Variants in CAMK4 observed in about 807,000 individuals in gnomAD.
The protein encoded by CAMK4 is calcium/calmodulin dependent protein kinase IV.
In CAMK4, 22 loss-of-function variants were observed where a neutral mutation model predicts 44.9. The observed-to-expected ratio is 0.49, with a 90% CI of 0.35 to 0.70. The LOEUF is 0.70. CAMK4 is among the 30% of genes least tolerant of loss of function. The pLI is 0.01. For synonymous variants in CAMK4, 218 were observed against 215.4 expected, an observed-to-expected ratio of 1.01 and a Z score of -0.11; for missense variants, 498 against 586.8, an observed-to-expected ratio of 0.85 and a Z score of 1.56.
intron 1 of CAMK4, among the ~76,000 whole-genome samples, chr5:111,341,611 G>A (rs1749648560): frequency 6.6e-6 from 1 of 150,960 alleles, no homozygotes; most frequent in South Asian, 2.1e-4. Flanking sequence ...AAGAATATGA[G>A]TATTTTCTTG....
intron 5 of CAMK4, among the ~76,000 whole-genome samples, chr5:111,404,844 C>T (rs1752358074): frequency 6.6e-6 from 1 of 152,150 alleles, no homozygotes; most frequent in African/African-American, 2.4e-5. Flanking sequence ...TCTTAGCTTA[C>T]ACCATATATA....
intron 1 of CAMK4, among the ~76,000 whole-genome samples, chr5:111,324,859 G>T (rs1051940993): frequency 6.6e-6 from 1 of 151,646 alleles, no homozygotes; most frequent in Non-Finnish European, 1.5e-5. Flanking sequence ...TTTACTTTAA[G>T]TTCTGGGATT....
At position 111,230,081 on chromosome 5, in the gene CAMK4, G is replaced by T. The variant is rs565935786; in HGVS notation, c.161+5437G>T. On this transcript the variant is annotated intron_variant, in intron 1 of 10. Transcript: ENST00000282356. The stretch of plus-strand genomic sequence containing the variant: ...TCTTCTTTGAGGTCTTGGTCCTGAT[G>T]TCGTAGTGATATTGATTCTAGTGAC... Among the ~76,000 whole-genome samples the T allele has an allele frequency of 5.0e-4, 76 of 152,274 alleles. 2 individuals are homozygous for T. Among genetic ancestry groups the T allele is most frequent in the African/African-American group, 1.7e-3 (71 of 41,550 alleles).
chr5:111,235,994 A>G (rs1489420486), intron 1 of CAMK4, among the ~76,000 whole-genome samples: 2 of 152,226 alleles, frequency 1.3e-5, no homozygotes, highest in African/African-American at 2.4e-5. Flanking sequence ...CAGGCAGGAC[A>G]CAATTGTTAC....
rs1748049116 is a variant in CAMK4, at chr5:111,308,615, T to G, written c.162-35409T>G. On this transcript the variant is annotated intron_variant, in intron 1 of 10. Coordinates refer to ENST00000282356, the MANE Select transcript of CAMK4 (RefSeq NM_001744.6). ...AGCTAAGCATCTCTGGAATTGAAAT[T>G]TAGTCCAGTGGGAAACAGAATGTTA... Among the ~76,000 whole-genome samples the G allele has an allele frequency of 2.6e-5, 4 of 152,296 alleles. No homozygotes were observed. The South Asian group carries it at 6.2e-4, about 24-fold the overall frequency.
chr5:111,299,261 AACC>A (rs1204374456), intron 1 of CAMK4, among the ~76,000 whole-genome samples: 2 of 152,260 alleles, frequency 1.3e-5, no homozygotes, highest in East Asian at 3.8e-4. Context: ...TACATTAGGT[AACC>A]ACTCATGTGA....
At chr5:111,343,395 C>T (rs1014644689) in intron 1 of CAMK4, among the ~76,000 whole-genome samples, 1 of 151,716 alleles carries the variant, frequency 6.6e-6, no homozygotes, top group African/African-American at 2.4e-5. Context: ...CTCTCTTTTA[C>T]TCTTTTGCTT....
At chr5:111,344,682 G>A (rs998140760) in intron 2 of CAMK4, among the ~76,000 whole-genome samples, 1 of 151,662 alleles carries the variant, frequency 6.6e-6, no homozygotes, top group African/African-American at 2.4e-5. Context: ...TGGAAAAAAA[G>A]GAAGGTTTTT....
At chr5:111,354,123 G>T (rs1464114432) in intron 2 of CAMK4, among the ~76,000 whole-genome samples, 9 of 152,066 alleles carry the variant, frequency 5.9e-5, no homozygotes, top group Non-Finnish European at 8.8e-5. Context: ...AAATAATCCT[G>T]CCAATTGCGA....
At chr5:111,342,157 T>C (rs1456880178) in intron 1 of CAMK4, among the ~76,000 whole-genome samples, 1 of 151,296 alleles carries the variant, frequency 6.6e-6, no homozygotes, top group East Asian at 1.9e-4. Flanking sequence ...GGCTGTTCTG[T>C]TGTTCTGTAA....
At chr5:111,436,703 C>A (rs1231000069) in intron 5 of CAMK4, among the ~76,000 whole-genome samples, 1 of 152,186 alleles carries the variant, frequency 6.6e-6, no homozygotes, top group African/African-American at 2.4e-5. Flanking sequence ...TGTATTATTA[C>A]AGCTAGGTAC....
At chr5:111,423,794 C>G (rs1271996523) in intron 5 of CAMK4, among the ~76,000 whole-genome samples, 3 of 152,174 alleles carry the variant, frequency 2.0e-5, no homozygotes, top group Non-Finnish European at 4.4e-5. Flanking sequence ...CAAGACCTAA[C>G]AATAACAATC....
intron 1 of CAMK4, among the ~76,000 whole-genome samples, chr5:111,249,219 T>G (rs1033709526): frequency 1.5e-4 from 23 of 152,150 alleles, no homozygotes; most frequent in African/African-American, 5.3e-4. Context: ...ATTTAAAGCC[T>G]TCTCTTCATC....
At chr5:111,472,423 A>G (rs1376965557) in intron 7 of CAMK4, among the ~76,000 whole-genome samples, 3 of 152,200 alleles carry the variant, frequency 2.0e-5, no homozygotes, top group Non-Finnish European at 4.4e-5. Context: ...ACTCTGGACA[A>G]TAGGCCTGAG....
chr5:111,404,485 T>C (rs1454409928), intron 5 of CAMK4, among the ~76,000 whole-genome samples: 1 of 152,210 alleles, frequency 6.6e-6, no homozygotes, highest in Non-Finnish European at 1.5e-5. Context: ...TCAAGGTCAA[T>C]GCTTGTTTAG....
intron 1 of CAMK4, among the ~76,000 whole-genome samples, chr5:111,328,873 CTT>C (rs1291704650): frequency 5.3e-5 from 8 of 152,004 alleles, no homozygotes; most frequent in Non-Finnish European, 1.0e-4. Context: ...TATCCTGAGA[CTT>C]TGCTGAAGTC....
chr5:111,311,416 G>A (rs886414622), intron 1 of CAMK4, among the ~76,000 whole-genome samples: 6 of 152,060 alleles, frequency 3.9e-5, no homozygotes, highest in African/African-American at 9.7e-5. Context: ...AGAATAATTG[G>A]TCTTTGTATG....
chr5:111,343,836 G>T (rs777991017), intron 1 of CAMK4, among the ~76,000 whole-genome samples, 188 bp from the exon 2 acceptor site: 2 of 133,712 alleles, frequency 1.5e-5, no homozygotes, highest in African/African-American at 2.8e-5. Context: ...AGAATTTTTT[G>T]AGCAAACTGT....
chr5:111,358,963 T>C (rs922220955), intron 2 of CAMK4, among the ~76,000 whole-genome samples: 1 of 152,152 alleles, frequency 6.6e-6, no homozygotes, highest in Non-Finnish European at 1.5e-5. Context: ...ACATTTTCTT[T>C]ATTCAGTTTA....
Sources: gnomAD v4.1 joint callset for allele counts (sites outside exome capture counted in the v4.1 genomes callset) on GRCh38, gnomAD v4.1.1 for gene constraint, MANE v1.5 for transcripts, NCBI Gene and HGNC (gene_info 2026-07-23, HGNC 2026-07-21) for gene names.